SGCZ: variants seen among roughly 807,000 people sequenced by gnomAD.
SGCZ encodes the protein zeta-sarcoglycan.
SGCZ carries 40 observed loss-of-function variants against 41.3 expected under a neutral mutation model. The ratio of observed to expected loss-of-function variants is 0.97; its 90% CI spans 0.75 to 1.26. The LOEUF (loss-of-function observed/expected upper bound fraction) is 1.26, where lower values mean the gene tolerates loss of function less well. Among genes scored for constraint, SGCZ ranks in the 50% most tolerant of loss-of-function variants. The pLI is 0.00. For missense variants in SGCZ, 552 were observed against 369.8 expected (o/e 1.49, Z -4.04); for synonymous variants, 206 against 137.5 (o/e 1.50, Z -3.49).
chr8:14,538,797 T>C (rs1271616030), intron 2 of SGCZ, among the ~76,000 whole-genome samples: 2 of 151,884 alleles, frequency 1.3e-5, no homozygotes, highest in East Asian at 1.9e-4. Context: ...AGCTGGACTT[T>C]ATCTGTTAGG....
chr8:15,047,451 A>C (rs992018313), intron 1 of SGCZ, among the ~76,000 whole-genome samples: 12 of 152,050 alleles, frequency 7.9e-5, no homozygotes, highest in African/African-American at 2.9e-4. Flanking sequence ...GTATTTGTCC[A>C]AAGATGATTT....
intron 1 of SGCZ, among the ~76,000 whole-genome samples, chr8:14,737,195 A>G (rs963088731): frequency 6.8e-6 from 1 of 147,118 alleles, no homozygotes; most frequent in African/African-American, 2.5e-5. Context: ...ATATATATGT[A>G]TGATGGGATA....
At chr8:15,073,403 C>A (rs549559592) in intron 1 of SGCZ, among the ~76,000 whole-genome samples, 3 of 152,114 alleles carry the variant, frequency 2.0e-5, no homozygotes, top group Admixed American at 6.5e-5. Flanking sequence ...ACTCACAAAT[C>A]CTGAGTAACA....
intron 1 of SGCZ, among the ~76,000 whole-genome samples, chr8:14,612,839 T>A (rs1805973583): frequency 6.6e-6 from 1 of 152,044 alleles, no homozygotes; most frequent in Non-Finnish European, 1.5e-5. Context: ...GAACCTGCCA[T>A]CACACCCAGC....
At chr8:14,199,919 A>G (rs1563181608) in intron 4 of SGCZ, among the ~76,000 whole-genome samples, 2 of 152,234 alleles carry the variant, frequency 1.3e-5, no homozygotes, top group African/African-American at 4.8e-5. Flanking sequence ...ATTTGATACT[A>G]GTTTTGCTGT....
At chr8:15,150,196 C>T (rs1362641902) in intron 1 of SGCZ, among the ~76,000 whole-genome samples, 2 of 152,072 alleles carry the variant, frequency 1.3e-5, no homozygotes, top group Non-Finnish European at 2.9e-5. Context: ...TTATCCATTA[C>T]TTTATAAAAC....
At chr8:15,159,325 A>C (rs567395739) in intron 1 of SGCZ, among the ~76,000 whole-genome samples, 1 of 144,996 alleles carries the variant, frequency 6.9e-6, no homozygotes, top group Admixed American at 7.4e-5. Flanking sequence ...ATCCTTTATA[A>C]GAAACTGAAA....
At chr8:14,303,027 G>A (rs940512819) in intron 3 of SGCZ, among the ~76,000 whole-genome samples, 1 of 152,086 alleles carries the variant, frequency 6.6e-6, no homozygotes, top group African/African-American at 2.4e-5. Flanking sequence ...GCTTCTCTCT[G>A]TGTGACTGAC....
chr8:14,479,171 C>G (rs552229634), intron 2 of SGCZ, among the ~76,000 whole-genome samples: 12 of 152,310 alleles, frequency 7.9e-5, no homozygotes, highest in African/African-American at 2.9e-4. Context: ...GTCCCAAAAC[C>G]TCAAAAGTAG....
chr8:14,687,608 G>T (rs1390688455), intron 1 of SGCZ, among the ~76,000 whole-genome samples: 3 of 151,872 alleles, frequency 2.0e-5, no homozygotes, highest in Non-Finnish European at 4.4e-5. Context: ...TGGACATTTG[G>T]CTTGGTTCCA....
At chr8:14,330,738 C>T (rs913727506) in intron 2 of SGCZ, among the ~76,000 whole-genome samples, 2 of 151,914 alleles carry the variant, frequency 1.3e-5, no homozygotes, top group African/African-American at 4.8e-5. Context: ...TAAATGTTTT[C>T]TACTCCAAAG....
intron 2 of SGCZ, among the ~76,000 whole-genome samples, chr8:14,516,521 T>C (rs931983448): frequency 6.6e-6 from 1 of 152,128 alleles, no homozygotes. Context: ...AGTTACTGTT[T>C]TTTTCTAGGT....
intron 1 of SGCZ, among the ~76,000 whole-genome samples, chr8:14,739,624 G>A (rs1354837402): frequency 6.6e-6 from 1 of 152,042 alleles, no homozygotes; most frequent in African/African-American, 2.4e-5. Flanking sequence ...TCTTTGTTTT[G>A]TATTAGTCTT....
chr8:14,529,180 G>A (rs1283166185), intron 2 of SGCZ, among the ~76,000 whole-genome samples: 1 of 152,108 alleles, frequency 6.6e-6, no homozygotes, highest in Non-Finnish European at 1.5e-5. Flanking sequence ...AAAGTCATAA[G>A]TACTTGCATG....
At chr8:14,574,505 T>C (rs1261478457) in intron 1 of SGCZ, among the ~76,000 whole-genome samples, 1 of 152,172 alleles carries the variant, frequency 6.6e-6, no homozygotes, top group Non-Finnish European at 1.5e-5. Flanking sequence ...AGAAATGCTC[T>C]AACAAGAGGC....
At chr8:15,233,682 T>C (rs1425104713) in intron 1 of SGCZ, among the ~76,000 whole-genome samples, 1 of 151,870 alleles carries the variant, frequency 6.6e-6, no homozygotes, top group African/African-American at 2.4e-5. Context: ...ATTATCCTTA[T>C]TGAAAAGTTG....
At chr8:14,377,824 C>T (rs997727013) in intron 2 of SGCZ, among the ~76,000 whole-genome samples, 1 of 151,918 alleles carries the variant, frequency 6.6e-6, no homozygotes, top group South Asian at 2.1e-4. Flanking sequence ...ATGATGATTA[C>T]CAATTTCATC....
At chr8:14,836,467 C>T (rs1563304254) in intron 1 of SGCZ, among the ~76,000 whole-genome samples, 2 of 152,100 alleles carry the variant, frequency 1.3e-5, no homozygotes, top group Admixed American at 1.3e-4. Flanking sequence ...TCTAGTCTGT[C>T]GCCCTCCCTC....
At chr8:14,790,249 A>G (rs539247345) in intron 1 of SGCZ, among the ~76,000 whole-genome samples, 1 of 152,296 alleles carries the variant, frequency 6.6e-6, no homozygotes, top group African/African-American at 2.4e-5. Flanking sequence ...ACCAAAAAGT[A>G]ATTCCACTAA....
Sources: gnomAD v4.1 joint callset for allele counts (sites outside exome capture counted in the v4.1 genomes callset) on GRCh38, gnomAD v4.1.1 for gene constraint, MANE v1.5 for transcripts, NCBI Gene and HGNC (gene_info 2026-07-23, HGNC 2026-07-21) for gene names.